RBFOX1: variants seen among roughly 807,000 people sequenced by gnomAD.
RBFOX1 encodes the protein RNA binding fox-1 homolog 1.
Under a neutral mutation model 57.7 loss-of-function variants are expected in RBFOX1, and 8 were observed. The observed-to-expected ratio is 0.14, with a 90% CI of 0.08 to 0.25. The LOEUF (loss-of-function observed/expected upper bound fraction) is 0.25, where lower values mean the gene tolerates loss of function less well. Among genes scored for constraint, RBFOX1 ranks in the 10% least tolerant of loss-of-function variants. The pLI, the probability that RBFOX1 is intolerant of heterozygous loss-of-function variation, is 1.00. For synonymous variants in RBFOX1, 326 were observed against 222.4 expected, an observed-to-expected ratio of 1.47 and a Z score of -4.15; for missense variants, 611 against 548.5, an observed-to-expected ratio of 1.11 and a Z score of -1.14.
chr16:7,479,521 G>A (rs1413950715), intron 4 of RBFOX1, among the ~76,000 whole-genome samples: 1 of 152,156 alleles, frequency 6.6e-6, no homozygotes, highest in African/African-American at 2.4e-5. Context: ...TGCTGTCTAT[G>A]GGAAAGGACT....
At chr16:5,684,384 G>A (rs547034421) in intron 3 of RBFOX1, among the ~76,000 whole-genome samples, 1 of 152,268 alleles carries the variant, frequency 6.6e-6, no homozygotes, top group South Asian at 2.1e-4. Context: ...GGATGTCTCT[G>A]CTTCACCAGA....
Position 7,033,687 on chromosome 16 carries a change from C to G in RBFOX1, c.-15-18370C>G, listed in dbSNP as rs1056019768. On this transcript the variant is annotated intron_variant, in intron 3 of 15. Transcript: ENST00000550418. ...GGAGGCTGGGATGGGGCTTGGTTCC[C>G]TATTGAACAGTAGAAAGACATTTTG... is the stretch of plus-strand genomic sequence containing the variant. Among the ~76,000 whole-genome samples the G allele has an allele frequency of 4.6e-5, 7 of 152,094 alleles. 1 individual carries two copies. In the South Asian group the frequency reaches 1.0e-3, roughly 23 times the overall value.
intron 4 of RBFOX1, among the ~76,000 whole-genome samples, chr16:7,347,416 A>G (rs1161268964): frequency 6.6e-6 from 1 of 152,084 alleles, no homozygotes; most frequent in Non-Finnish European, 1.5e-5. Flanking sequence ...GTTTCATGAG[A>G]CTTGTTCATT....
chr16:6,046,580 C>G (rs752357525), intron 1 of RBFOX1, among the ~76,000 whole-genome samples: 1 of 151,794 alleles, frequency 6.6e-6, no homozygotes, highest in East Asian at 1.9e-4. Context: ...AATGAGTTCT[C>G]AAGGACAGAG....
chr16:5,856,336 TA>T (rs1399927547), intron 3 of RBFOX1, among the ~76,000 whole-genome samples: 4 of 3,050 alleles, frequency 1.3e-3, no homozygotes, highest in East Asian at 0.028. Flanking sequence ...ACTGTTATAT[TA>T]TATATATATA....
At chr16:6,777,619 C>G (rs2079596796) in intron 3 of RBFOX1, among the ~76,000 whole-genome samples, 3 of 152,244 alleles carry the variant, frequency 2.0e-5, no homozygotes, top group South Asian at 4.1e-4. Context: ...GGAAATTTCA[C>G]ACGTTATTCA....
chr16:6,673,480 G>A (rs947260728), intron 3 of RBFOX1, among the ~76,000 whole-genome samples: 3 of 152,084 alleles, frequency 2.0e-5, no homozygotes, highest in Non-Finnish European at 1.5e-5. Flanking sequence ...CCCAGCTACT[G>A]GGGAAGTTGA....
intron 4 of RBFOX1, among the ~76,000 whole-genome samples, chr16:7,321,208 G>T (rs571037944): frequency 6.6e-6 from 1 of 151,934 alleles, no homozygotes; most frequent in African/African-American, 2.4e-5. Flanking sequence ...GCAGTGGTGC[G>T]ATCTCATCTC....
chr16:7,031,611 AAAG>A (rs1327052094), intron 3 of RBFOX1, among the ~76,000 whole-genome samples: 6 of 140,852 alleles, frequency 4.3e-5, no homozygotes, highest in African/African-American at 1.5e-4. Flanking sequence ...AAAAAAAAAG[AAAG>A]AAAAGAAAAG....
chr16:6,733,217 C>G (rs1250132253), intron 3 of RBFOX1, among the ~76,000 whole-genome samples: 1 of 152,204 alleles, frequency 6.6e-6, no homozygotes, highest in Non-Finnish European at 1.5e-5. Context: ...TATTTATTAG[C>G]AGGTGCCAGA....
chr16:5,817,111 C>T (rs1181402654), intron 3 of RBFOX1, among the ~76,000 whole-genome samples: 1 of 152,198 alleles, frequency 6.6e-6, no homozygotes, highest in East Asian at 1.9e-4. Context: ...CTTTCCTGTA[C>T]ATCTTCCCTG....
chr16:6,647,299 A>G (rs529671306), intron 2 of RBFOX1, among the ~76,000 whole-genome samples: 1 of 152,256 alleles, frequency 6.6e-6, no homozygotes, highest in East Asian at 1.9e-4. Context: ...GCTCTAGTGC[A>G]GTGACGTGAT....
At chr16:6,635,849 C>T (rs2098426762) in intron 2 of RBFOX1, among the ~76,000 whole-genome samples, 1 of 152,088 alleles carries the variant, frequency 6.6e-6, no homozygotes, top group Non-Finnish European at 1.5e-5. Context: ...CTGACTATTC[C>T]TTTTATTCAA....
chr16:7,061,777 C>T (rs1156569336), intron 4 of RBFOX1, among the ~76,000 whole-genome samples: 1 of 152,130 alleles, frequency 6.6e-6, no homozygotes, highest in African/African-American at 2.4e-5. Context: ...AGCTACTCTT[C>T]ATTTCTATGA....
chr16:7,268,745 C>G (rs980065366), intron 4 of RBFOX1, among the ~76,000 whole-genome samples: 40 of 151,984 alleles, frequency 2.6e-4, no homozygotes, highest in Admixed American at 9.2e-4. Context: ...GCAAAAGAAT[C>G]CATCTCGGCT....
At chr16:7,105,511 A>G (rs772066772) in intron 4 of RBFOX1, among the ~76,000 whole-genome samples, 8 of 151,934 alleles carry the variant, frequency 5.3e-5, no homozygotes, top group Non-Finnish European at 1.2e-4. Context: ...CACAAAGTCC[A>G]TTGTGTCATT....
intron 3 of RBFOX1, among the ~76,000 whole-genome samples, chr16:5,714,879 A>T (rs572585298): frequency 1.3e-5 from 2 of 152,144 alleles, no homozygotes; most frequent in Non-Finnish European, 2.9e-5. Context: ...GCTAGTAGAC[A>T]TCTCAGTGAC....
At chr16:6,524,393 T>C (rs919169481) in intron 2 of RBFOX1, among the ~76,000 whole-genome samples, 11 of 152,242 alleles carry the variant, frequency 7.2e-5, no homozygotes, top group African/African-American at 2.7e-4. Context: ...CATTCATCTG[T>C]TGATGGGCAC....
At chr16:7,593,328 G>A (rs1422977488) in intron 7 of RBFOX1, among the ~76,000 whole-genome samples, 1 of 152,144 alleles carries the variant, frequency 6.6e-6, no homozygotes, top group East Asian at 1.9e-4. Context: ...TACTGGCCAA[G>A]AGTTAGAACT....
Sources: gnomAD v4.1 joint callset for allele counts (sites outside exome capture counted in the v4.1 genomes callset) on GRCh38, gnomAD v4.1.1 for gene constraint, MANE v1.5 for transcripts, NCBI Gene and HGNC (gene_info 2026-07-23, HGNC 2026-07-21) for gene names.